Variants in STAG1 observed in about 807,000 individuals in gnomAD.
STAG1 encodes cohesin subunit SA-1.
A neutral mutation model predicts 170.9 loss-of-function variants in STAG1; 26 were observed. The ratio of observed to expected loss-of-function variants is 0.15; its 90% CI spans 0.11 to 0.21. The LOEUF is 0.21. Ranked by LOEUF, STAG1 falls within the 10% of genes least tolerant of loss-of-function variation. The pLI is 1.00. For synonymous variants in STAG1, 514 were observed against 497.7 expected, an observed-to-expected ratio of 1.03 and a Z score of -0.44; for missense variants, 964 against 1,509.5, an observed-to-expected ratio of 0.64 and a Z score of 5.99.
intron 4 of STAG1, among the ~76,000 whole-genome samples, chr3:136,574,848 C>G (rs886970140): frequency 1.3e-5 from 2 of 152,122 alleles, no homozygotes; most frequent in Non-Finnish European, 2.9e-5. Flanking sequence ...AAACTTAACA[C>G]CAACAATTAC....
Position 136,492,708 on chromosome 3 carries a change from G to C in STAG1, c.902+7515C>G, listed in dbSNP as rs1233042440. On this transcript the variant is annotated intron_variant, in intron 9 of 33. Transcript: ENST00000383202. The stretch of plus-strand genomic sequence containing the variant: ...TACCTTACAAGGGACACAAAATGAA[G>C]TCCTTCAAACTGCAAGGGAATAACA... Among the ~76,000 whole-genome samples, 4 of 152,092 alleles carry C rather than the reference G, an allele frequency of 2.6e-5. No individual in the cohort carries two copies. In the South Asian group the frequency reaches 8.3e-4, roughly 32 times the overall value.
rs542353268 is a variant in STAG1, at chr3:136,525,961, C to T, written c.472-4544G>A. 5.9e-5 allele frequency among the ~76,000 whole-genome samples: 9 copies of T among 152,244 alleles called. No homozygotes were observed. In the East Asian group the frequency reaches 9.6e-4, roughly 16 times the overall value. On this transcript the variant is annotated intron_variant, in intron 6 of 33. Transcript: ENST00000383202. ...TTTGATTGCACTGTGGTCTGAGAGA[C>T]AGTTTGTTATAATTTCTGTTCTTTT...
intron 9 of STAG1, among the ~76,000 whole-genome samples, chr3:136,479,063 T>TC (rs892407448): frequency 7.1e-6 from 1 of 141,064 alleles, no homozygotes; most frequent in Admixed American, 6.9e-5. Context: ...AATCTTTCTT[T>TC]TTTTTTTTTT....
intron 4 of STAG1, among the ~76,000 whole-genome samples, chr3:136,581,179 T>C (rs992012655): frequency 3.3e-5 from 5 of 152,234 alleles, no homozygotes; most frequent in African/African-American, 1.2e-4. Context: ...TTAGTTATGT[T>C]ATTGATACAC....
At chr3:136,547,828 C>T (rs995670346) in intron 5 of STAG1, among the ~76,000 whole-genome samples, 1 of 152,308 alleles carries the variant, frequency 6.6e-6, no homozygotes, top group East Asian at 1.9e-4. Context: ...ATGTTTTCTT[C>T]TAAGAGTCGG....
At chr3:136,635,455 T>A (rs1044596056) in intron 1 of STAG1, among the ~76,000 whole-genome samples, 1 of 152,214 alleles carries the variant, frequency 6.6e-6, no homozygotes, top group South Asian at 2.1e-4. Context: ...ATGAGAAATA[T>A]AGGGGAACAT....
chr3:136,698,488 A>G (rs1942961844), intron 1 of STAG1, among the ~76,000 whole-genome samples: 1 of 130,064 alleles, frequency 7.7e-6, no homozygotes, highest in Non-Finnish European at 1.6e-5. Context: ...AAGTCAAAAA[A>G]CCAACAAACA....
At chr3:136,522,781 A>G (rs1934751328) in intron 6 of STAG1, among the ~76,000 whole-genome samples, 1 of 132,554 alleles carries the variant, frequency 7.5e-6, no homozygotes, top group Admixed American at 9.5e-5. Context: ...AAGTGTTCTC[A>G]CTGTTCAACT....
chr3:136,718,720 T>A (rs1450554649), intron 1 of STAG1, among the ~76,000 whole-genome samples: 1 of 151,534 alleles, frequency 6.6e-6, no homozygotes, highest in African/African-American at 2.4e-5. Flanking sequence ...AGGTCCGGAG[T>A]TTGAGACCAG....
chr3:136,379,446 C>T (rs1268386397), intron 22 of STAG1, among the ~76,000 whole-genome samples: 2 of 152,266 alleles, frequency 1.3e-5, no homozygotes, highest in East Asian at 1.9e-4. Flanking sequence ...CGGTGGCTCA[C>T]GCCTGTAATC....
intron 1 of STAG1, among the ~76,000 whole-genome samples, chr3:136,715,855 T>C (rs1275064979): frequency 6.6e-6 from 1 of 151,924 alleles, no homozygotes; most frequent in Non-Finnish European, 1.5e-5. Context: ...CCCACCACTT[T>C]GGGAGGCCAA....
intron 7 of STAG1, among the ~76,000 whole-genome samples, chr3:136,512,573 G>A (rs545166368): frequency 2.0e-5 from 3 of 152,096 alleles, no homozygotes; most frequent in Non-Finnish European, 4.4e-5. Context: ...ACATATGTGT[G>A]TGATTATGTT....
chr3:136,668,355 A>G (rs1231857047), intron 1 of STAG1, among the ~76,000 whole-genome samples: 6 of 146,586 alleles, frequency 4.1e-5, no homozygotes, highest in African/African-American at 1.5e-4. Flanking sequence ...TATACATGAT[A>G]TATATTATAC....
intron 4 of STAG1, among the ~76,000 whole-genome samples, chr3:136,601,665 C>T (rs758308079): frequency 6.6e-6 from 1 of 151,608 alleles, no homozygotes; most frequent in African/African-American, 2.4e-5. Flanking sequence ...AAATACAAAA[C>T]AAACAAACAA....
chr3:136,508,887 CGA>C (rs111390217), intron 7 of STAG1, among the ~76,000 whole-genome samples: 70 of 148,640 alleles, frequency 4.7e-4, no homozygotes, highest in Non-Finnish European at 6.0e-4. Flanking sequence ...CGCGCGTGCG[CGA>C]GAGAGAGAGA....
chr3:136,507,505 A>G (rs987034615), intron 7 of STAG1, among the ~76,000 whole-genome samples: 7 of 152,064 alleles, frequency 4.6e-5, no homozygotes, highest in Non-Finnish European at 8.8e-5. Flanking sequence ...AGCTGGGACT[A>G]CAGCTACCAC....
chr3:136,348,930 T>C (rs1936335967), intron 29 of STAG1: 2 of 538,002 alleles, frequency 3.7e-6, no homozygotes, highest in Admixed American at 3.3e-5. Context: ...TTTTTTCCTC[T>C]TTTGGGCTGT....
intron 4 of STAG1, among the ~76,000 whole-genome samples, chr3:136,590,812 G>T (rs1435429901): frequency 6.6e-6 from 1 of 152,130 alleles, no homozygotes; most frequent in African/African-American, 2.4e-5. Flanking sequence ...AAATTTCTGA[G>T]GATCAAATTA....
intron 30 of STAG1, among the ~76,000 whole-genome samples, chr3:136,342,613 T>G (rs982662227): frequency 6.6e-6 from 1 of 152,250 alleles, no homozygotes; most frequent in African/African-American, 2.4e-5. Flanking sequence ...TCCTGAATAG[T>G]TGGGATCACA....
Sources: allele counts gnomAD v4.1 joint callset (sites outside exome capture counted in the v4.1 genomes callset), GRCh38; gene constraint gnomAD v4.1.1; transcripts MANE v1.5; gene names NCBI Gene and HGNC (gene_info 2026-07-23, HGNC 2026-07-21).